Variants in RMDN2 observed in about 807,000 individuals in gnomAD.
The protein encoded by RMDN2 is regulator of microtubule dynamics 2, also known as regulator of microtubule dynamics protein 2.
In RMDN2, 61 loss-of-function variants were observed where a neutral mutation model predicts 52.8. The ratio of observed to expected loss-of-function variants is 1.16; its 90% CI spans 0.94 to 1.43. The LOEUF is 1.43. Among genes scored for constraint, RMDN2 ranks in the 40% most tolerant of loss-of-function variants. RMDN2 has a pLI of 0.00. For missense variants in RMDN2, 592 were observed against 475.3 expected (o/e 1.25, Z -2.28); for synonymous variants, 180 against 153.1 (o/e 1.18, Z -1.30).
At chr2:38,057,616 C>G (rs1016739948) in intron 10 of RMDN2, among the ~76,000 whole-genome samples, 3 of 152,070 alleles carry the variant, frequency 2.0e-5, no homozygotes, top group African/African-American at 7.2e-5. Flanking sequence ...GATCTATGTC[C>G]CCACTCAAAT....
rs368297189 is a variant in RMDN2 at position 37,951,984 on chromosome 2, A to G, written c.453-22056A>G. ...CCTTCATCCTCGTCCTGAAAGTTAC[A>G]GCACAGATCATTCTCCAATCATGAT... On this transcript the variant is annotated intron_variant, in intron 2 of 10. Transcript: ENST00000354545. The G allele has an allele frequency of 2.6e-5, 42 of 1,613,498 alleles. No individual in the cohort carries two copies. The South Asian group carries it at 2.9e-4, about 11-fold the overall frequency.
intron 10 of RMDN2, among the ~76,000 whole-genome samples, chr2:38,040,597 G>C (rs1324371862): frequency 6.6e-6 from 1 of 152,136 alleles, no homozygotes; most frequent in African/African-American, 2.4e-5. Flanking sequence ...TATAAATTAC[G>C]AGTCTAAGGT....
Position 37,928,363 on chromosome 2 carries a change from T to A in RMDN2, c.-16-899T>A, listed in dbSNP as rs116773396. 6.6e-3 allele frequency among the ~76,000 whole-genome samples: 1,009 copies of A among 152,328 alleles called. 11 individuals carry two copies. Among genetic ancestry groups the A allele is most frequent in the African/African-American group, 0.023 (942 of 41,570 alleles). ...GACCACCAAGGAAGCATTTGAAACA[T>A]TACATTTAGTTGGCCATTTGAAGTG... On this transcript the variant is annotated intron_variant, in intron 1 of 10. Transcript: ENST00000354545.
At chr2:37,987,894 A>G (rs1054054788) in intron 5 of RMDN2, among the ~76,000 whole-genome samples, 16 of 151,894 alleles carry the variant, frequency 1.1e-4, no homozygotes, top group African/African-American at 3.6e-4. Flanking sequence ...TCCCATCTCT[A>G]CTAAAAATAC....
chr2:38,019,267 C>G (rs551626729), downstream of RMDN2, among the ~76,000 whole-genome samples: 1 of 152,142 alleles, frequency 6.6e-6, no homozygotes. Flanking sequence ...ACTTCCTTTA[C>G]GAATTATGAG....
At position 38,043,171 on chromosome 2, in the gene RMDN2, C is replaced by T. The variant is rs137966917; in HGVS notation, c.1714-23811C>T. On this transcript the variant is annotated intron_variant, in intron 10 of 10. Coordinates refer to the RMDN2 transcript ENST00000234195. ...TTTTCGCCTCACATATTTTGACAGT[C>T]TGTTGTTATGTGTGTACACATTGAG... Among the ~76,000 whole-genome samples the T allele has an allele frequency of 3.2e-3, 493 of 152,264 alleles. 1 individual carries two copies. The highest frequency in any genetic ancestry group is 0.011 in the African/African-American group (461 of 41,566).
At chr2:38,009,610 T>C (rs1677648448) in intron 10 of RMDN2, among the ~76,000 whole-genome samples, 1 of 152,216 alleles carries the variant, frequency 6.6e-6, no homozygotes, top group South Asian at 2.1e-4. Flanking sequence ...TAGCCATTCA[T>C]CTAATTTTTT....
chr2:37,925,047 G>T (rs972638936), upstream of RMDN2, among the ~76,000 whole-genome samples: 5 of 152,238 alleles, frequency 3.3e-5, no homozygotes, highest in African/African-American at 1.2e-4. Flanking sequence ...GAGGGAACGC[G>T]CTGGGGCTAG....
intron 2 of RMDN2, among the ~76,000 whole-genome samples, chr2:37,942,298 C>T (rs1232751329): frequency 6.6e-6 from 1 of 152,166 alleles, no homozygotes; most frequent in African/African-American, 2.4e-5. Context: ...AATCACCCTT[C>T]TGCGTTGGTC....
rs1445048204 is a variant in RMDN2, at chr2:37,951,728, T to TA, written c.452+22005dup. The TA allele has an allele frequency of 7.4e-6, 12 of 1,612,376 alleles. No individual in the cohort carries two copies. The Admixed American group carries it at 1.0e-4, about 14-fold the overall frequency. ...CTAAAACTTCAAGTAATACTGATGC[T>TA]AAAAAACATATAACCATCTCTGCTC... On this transcript the variant is annotated intron_variant, in intron 2 of 10. Transcript: ENST00000354545.
At chr2:38,010,605 T>C (rs544324414) in intron 10 of RMDN2, among the ~76,000 whole-genome samples, 4 of 152,254 alleles carry the variant, frequency 2.6e-5, no homozygotes, top group African/African-American at 9.6e-5. Context: ...CAGGTGCCGT[T>C]TGTCACCCCT....
At chr2:38,008,153 GGCATGGT>G (rs1203710365) in intron 10 of RMDN2, among the ~76,000 whole-genome samples, 13 of 152,116 alleles carry the variant, frequency 8.5e-5, no homozygotes, top group Non-Finnish European at 4.4e-5. Context: ...GAATAAGTGT[GGCATGGT>G]GCTAAGAAGA....
intron 8 of RMDN2, 57 bp from the exon 9 acceptor site, chr2:38,003,933 TG>T: frequency 8.2e-7 from 1 of 1,226,992 alleles, no homozygotes; most frequent in Non-Finnish European, 1.2e-6. Context: ...TCTTCACTTG[TG>T]GTTACTGTTA....
At chr2:37,955,850 T>G (rs78972954) in intron 2 of RMDN2, among the ~76,000 whole-genome samples, 189 of 152,296 alleles carry the variant, frequency 1.2e-3, no homozygotes, top group African/African-American at 4.4e-3. Flanking sequence ...ACAGGTATAT[T>G]ACATTGGCTG....
intron 10 of RMDN2, among the ~76,000 whole-genome samples, chr2:38,034,339 G>C (rs933769746): frequency 3.3e-5 from 5 of 152,180 alleles, no homozygotes; most frequent in South Asian, 4.1e-4. Flanking sequence ...GTTCCTACAT[G>C]ATGGGGAGAT....
intron 2 of RMDN2, among the ~76,000 whole-genome samples, chr2:37,961,156 A>G (rs893689394): frequency 6.6e-6 from 1 of 151,848 alleles, no homozygotes; most frequent in Non-Finnish European, 1.5e-5. Flanking sequence ...GAATCTGATG[A>G]TTATGTGTCT....
At chr2:37,981,606 A>G (rs1352868321) in intron 5 of RMDN2, among the ~76,000 whole-genome samples, 1 of 152,238 alleles carries the variant, frequency 6.6e-6, no homozygotes, top group African/African-American at 2.4e-5. Context: ...ATGATACGTT[A>G]TAATTAAATC....
At chr2:38,001,971 G>C (rs1676381021) in intron 8 of RMDN2, among the ~76,000 whole-genome samples, 1 of 152,180 alleles carries the variant, frequency 6.6e-6, no homozygotes, top group Admixed American at 6.5e-5. Context: ...TTTGTTGGTA[G>C]CTTTGCTGTC....
At chr2:37,976,679 T>C (rs1672507746) in intron 4 of RMDN2, among the ~76,000 whole-genome samples, 2 of 152,250 alleles carry the variant, frequency 1.3e-5, no homozygotes, top group South Asian at 2.1e-4. Flanking sequence ...TTGCAGACCA[T>C]ATACAAAACA....
Sources: gnomAD v4.1 joint callset for allele counts (sites outside exome capture counted in the v4.1 genomes callset) on GRCh38, gnomAD v4.1.1 for gene constraint, MANE v1.5 for transcripts, NCBI Gene and HGNC (gene_info 2026-07-23, HGNC 2026-07-21) for gene names.